EDARADD: variants seen among roughly 807,000 people sequenced by gnomAD.
EDARADD encodes the protein EDAR associated via death domain.
EDARADD carries 20 observed loss-of-function variants against 25.6 expected under a neutral mutation model. The observed-to-expected ratio is 0.78, with a 90% CI of 0.55 to 1.14. The LOEUF is 1.14. Ranked by LOEUF, EDARADD falls within the 50% of genes most tolerant of loss-of-function variation. The pLI is 0.00. For synonymous variants in EDARADD, 86 were observed against 94.4 expected, an observed-to-expected ratio of 0.91 and a Z score of 0.52; for missense variants, 225 against 270.1, an observed-to-expected ratio of 0.83 and a Z score of 1.17.
intron 3 of EDARADD, among the ~76,000 whole-genome samples, chr1:236,425,626 C>T (rs947711889): frequency 6.6e-6 from 1 of 152,196 alleles, no homozygotes; most frequent in African/African-American, 2.4e-5. Flanking sequence ...GGGACTTAAG[C>T]AGCAACCGGT....
chr1:236,466,410 CTCTT>C (rs1296591760), intron 4 of EDARADD, among the ~76,000 whole-genome samples: 1 of 141,770 alleles, frequency 7.1e-6, no homozygotes, highest in African/African-American at 2.7e-5. Flanking sequence ...ATCTGTTTCT[CTCTT>C]TCTCTCTCAC....
chr1:236,374,246 TTCCC>T (rs996313977), intron 3 of EDARADD, among the ~76,000 whole-genome samples: 11 of 149,954 alleles, frequency 7.3e-5, no homozygotes, highest in South Asian at 2.1e-4. Flanking sequence ...GCTAGGTCTG[TTCCC>T]TCCCTCCCTC....
chr1:236,391,037 C>G (rs768913033), upstream of EDARADD, among the ~76,000 whole-genome samples: 11 of 152,016 alleles, frequency 7.2e-5, no homozygotes, highest in Non-Finnish European at 1.6e-4. Flanking sequence ...ACCTCCCCCT[C>G]CTGGGTTTAA....
chr1:236,382,947 CTT>C (rs2102996480), intron 3 of EDARADD, among the ~76,000 whole-genome samples: 1 of 152,196 alleles, frequency 6.6e-6, no homozygotes, highest in African/African-American at 2.4e-5. Flanking sequence ...CTATAGATCT[CTT>C]AGGATCTCTC....
chr1:236,422,225 T>C (rs1401533155), intron 3 of EDARADD, among the ~76,000 whole-genome samples: 2 of 152,254 alleles, frequency 1.3e-5, no homozygotes, highest in African/African-American at 2.4e-5. Flanking sequence ...TTTCATTGAA[T>C]GGCTTAAGAG....
intron 4 of EDARADD, among the ~76,000 whole-genome samples, chr1:236,437,654 C>T (rs1269508128): frequency 2.6e-5 from 4 of 151,486 alleles, no homozygotes; most frequent in East Asian, 1.9e-4. Context: ...CAAAGTGCCA[C>T]GAATGAAGTG....
At chr1:236,355,698 C>A (rs1666968305) in intron 3 of EDARADD, among the ~76,000 whole-genome samples, 1 of 151,668 alleles carries the variant, frequency 6.6e-6, no homozygotes, top group Non-Finnish European at 1.5e-5. Context: ...TTAGTAGAGA[C>A]AAGGTTTCAC....
Position 236,394,443 on chromosome 1 carries a change from C to T in EDARADD, c.-2C>T. On this transcript the variant is annotated 5_prime_UTR_variant, in exon 1 of 6. Coordinates refer to ENST00000334232, the MANE Select transcript of EDARADD (RefSeq NM_145861.4). ...AATTAAGAAGCCAAACTCAACATCG[C>T]CATGGGCCTCAGGACGACTAAACAG... 6.2e-7 allele frequency: 1 copy of T among 1,614,080 alleles called. No homozygotes were observed. The highest frequency in any genetic ancestry group is 8.5e-7 in the Non-Finnish European group (1 of 1,179,980).
rs1300815202 is a variant in EDARADD, at chr1:236,483,764, T to C, written c.*1115T>C. On this transcript the variant is annotated 3_prime_UTR_variant, in exon 6 of 6. Transcript: ENST00000334232. ...TGAAGAATGTCATCAAGGAGAAATA[T>C]GGGAAAGATGCCACCGGTGTGGGGG... The C allele has an allele frequency of 1.3e-6, 2 of 1,485,658 alleles. No homozygotes were observed. The highest frequency in any genetic ancestry group is 2.3e-5 in the East Asian group (1 of 44,084). 92.0% of individuals were successfully genotyped at this position (1,485,658 alleles called of 1,614,324 possible).
chr1:236,428,899 C>A (rs1279095860), intron 4 of EDARADD, among the ~76,000 whole-genome samples: 2 of 151,996 alleles, frequency 1.3e-5, no homozygotes, highest in Non-Finnish European at 2.9e-5. Context: ...CTCGGGAGGC[C>A]GAGGCTGGCA....
chr1:236,393,132 G>T (rs1667447733), upstream of EDARADD, among the ~76,000 whole-genome samples: 1 of 152,118 alleles, frequency 6.6e-6, no homozygotes, highest in Admixed American at 6.5e-5. Context: ...CAATCCTGCA[G>T]ACACTTGCAG....
chr1:236,355,089 T>C (rs1333251403), intron 3 of EDARADD, among the ~76,000 whole-genome samples: 2 of 152,210 alleles, frequency 1.3e-5, no homozygotes, highest in African/African-American at 2.4e-5. Context: ...AGCTCTCCTT[T>C]CTACTGTTAA....
At chr1:236,478,822 A>C (rs927345677) in intron 5 of EDARADD, among the ~76,000 whole-genome samples, 1 of 152,134 alleles carries the variant, frequency 6.6e-6, no homozygotes, top group Non-Finnish European at 1.5e-5. Context: ...TGCTGACCTC[A>C]TGATCCACCC....
At chr1:236,379,383 T>C (rs1368978972) in intron 3 of EDARADD, among the ~76,000 whole-genome samples, 1 of 144,302 alleles carries the variant, frequency 6.9e-6, no homozygotes, top group Non-Finnish European at 1.5e-5. Context: ...AATAAATAAA[T>C]AAATAAACAA....
upstream of EDARADD, among the ~76,000 whole-genome samples, chr1:236,390,194 A>T (rs4659662): frequency 0.77 from 116,737 of 151,996 alleles, 46,281 homozygotes; most frequent in East Asian, 0.92. Context: ...GATAAAAGAC[A>T]ACCAATATGG....
rs1657815869 is a variant in EDARADD at position 236,422,817 on chromosome 1, T to TCCA, written c.161-4574_161-4572dup. Among the ~76,000 whole-genome samples the TCCA allele has an allele frequency of 8.5e-5, 13 of 152,214 alleles. No homozygotes were observed. The South Asian group carries it at 2.7e-3, about 32-fold the overall frequency. ...ACATGCCAGAGTGCCCGGGTTTAGC[T>TCCA]CCATCCTGTATCAAGGAGGCCTTGG... On this transcript the variant is annotated intron_variant, in intron 3 of 5. Coordinates refer to ENST00000334232, the MANE Select transcript of EDARADD (RefSeq NM_145861.4).
intron 4 of EDARADD, among the ~76,000 whole-genome samples, chr1:236,437,034 C>A (rs1200105011): frequency 6.6e-6 from 1 of 152,190 alleles, no homozygotes; most frequent in Non-Finnish European, 1.5e-5. Context: ...TCTCCAGATA[C>A]AATGGTGAAT....
chr1:236,408,594 C>T (rs1032434096), intron 1 of EDARADD, among the ~76,000 whole-genome samples: 2 of 152,016 alleles, frequency 1.3e-5, no homozygotes, highest in African/African-American at 4.8e-5. Context: ...GTAAGACTTT[C>T]AGGCCAGGTG....
intron 5 of EDARADD, among the ~76,000 whole-genome samples, chr1:236,478,938 G>A (rs35651512): frequency 0.3 from 45,352 of 152,002 alleles, 7,539 homozygotes; most frequent in Non-Finnish European, 0.37. Flanking sequence ...AACATCGTAT[G>A]TTCTCACTCA....
Sources: allele counts gnomAD v4.1 joint callset (sites outside exome capture counted in the v4.1 genomes callset), GRCh38; gene constraint gnomAD v4.1.1; transcripts MANE v1.5; gene names NCBI Gene and HGNC (gene_info 2026-07-23, HGNC 2026-07-21).